TENM1: variants seen among roughly 807,000 people sequenced by gnomAD.
TENM1 encodes the protein teneurin transmembrane protein 1, also known as teneurin-1.
TENM1 carries 35 observed loss-of-function variants against 174.8 expected under a neutral mutation model. The ratio of observed to expected loss-of-function variants is 0.20; its 90% CI spans 0.15 to 0.27. The LOEUF is 0.27. TENM1 is among the 10% of genes least tolerant of loss of function. The probability of loss-of-function intolerance (pLI) is 1.00; values close to 1 mark genes in which losing one functional copy is unlikely to be tolerated. For synonymous variants in TENM1, 781 were observed against 798.7 expected, an observed-to-expected ratio of 0.98 and a Z score of 0.37; for missense variants, 1,633 against 2,130.1, an observed-to-expected ratio of 0.77 and a Z score of 4.59.
intron 6 of TENM1, 110 bp downstream of exon 9, chrX:124,671,570 ACTT>A (rs2051921866): frequency 3.9e-6 from 3 of 763,112 alleles, no homozygotes; most frequent in African/African-American, 4.3e-5. Context: ...CACGTAGAGG[ACTT>A]CTTTCAAGTG....
upstream of TENM1, among the ~76,000 whole-genome samples, chrX:124,966,641 G>A (rs1343579849): frequency 9.7e-6 from 1 of 103,350 alleles, no homozygotes; most frequent in Non-Finnish European, 2.0e-5. Context: ...CAGCCTGGGC[G>A]ACAGAGCGAG....
intron 19 of TENM1, among the ~76,000 whole-genome samples, chrX:124,498,921 T>G (rs1227142746): frequency 1.8e-5 from 2 of 111,268 alleles, no homozygotes; most frequent in Non-Finnish European, 3.8e-5. Context: ...GAAAATAGGC[T>G]TTGAGTTTCT....
the TENM1 span, among the ~76,000 whole-genome samples, chrX:125,178,585 C>A: frequency 9.0e-6 from 1 of 111,501 alleles, no homozygotes; most frequent in Admixed American, 9.6e-5. Flanking sequence ...CTGTATGGTA[C>A]TCTTCTATTT....
At chrX:124,715,539 CT>C (rs2148511478) in intron 4 of TENM1, among the ~76,000 whole-genome samples, 1 of 110,956 alleles carries the variant, frequency 9.0e-6, no homozygotes, top group Admixed American at 9.5e-5. Flanking sequence ...TTATTTTTTT[CT>C]TTATACAGGA....
chrX:124,581,527 C>A (rs2049310757), intron 11 of TENM1, among the ~76,000 whole-genome samples: 1 of 109,801 alleles, frequency 9.1e-6, no homozygotes. Context: ...TTTGGTAGAA[C>A]AATTTGTTTT....
intron 14 of TENM1, among the ~76,000 whole-genome samples, chrX:124,558,085 C>T (rs2048733746): frequency 8.9e-6 from 1 of 111,761 alleles, no homozygotes; most frequent in African/African-American, 3.2e-5. Flanking sequence ...GATAGCTTTC[C>T]TTTTTTGCAC....
intron 18 of TENM1, among the ~76,000 whole-genome samples, chrX:124,509,564 A>C (rs2047530796): frequency 9.0e-6 from 1 of 111,220 alleles, no homozygotes; most frequent in Admixed American, 9.6e-5. Context: ...AGGTGCTGTT[A>C]TTTAATGACA....
the TENM1 span, among the ~76,000 whole-genome samples, chrX:125,083,578 C>CA: frequency 1.8e-5 from 2 of 109,975 alleles, no homozygotes; most frequent in East Asian, 5.7e-4. Flanking sequence ...TTTTGAAAGT[C>CA]AAAAAAACCC....
intron 10 of TENM1, among the ~76,000 whole-genome samples, chrX:124,644,444 T>C (rs2051105695): frequency 9.1e-6 from 1 of 109,917 alleles, no homozygotes; most frequent in Non-Finnish European, 1.9e-5. Context: ...AATGGTTTAA[T>C]ATTATTTCTG....
intron 11 of TENM1, among the ~76,000 whole-genome samples, chrX:124,575,364 T>C (rs1476514732): frequency 1.8e-5 from 2 of 112,077 alleles, no homozygotes; most frequent in African/African-American, 3.2e-5. Flanking sequence ...GTTTTAATAC[T>C]ATCTTAAATC....
chrX:124,604,126 G>T (rs2050095504), intron 11 of TENM1, among the ~76,000 whole-genome samples: 1 of 110,693 alleles, frequency 9.0e-6, no homozygotes, highest in African/African-American at 3.3e-5. Flanking sequence ...CGGTATAATA[G>T]CAAAATGACA....
chrX:125,148,694 C>T, the TENM1 span, among the ~76,000 whole-genome samples: 2 of 111,714 alleles, frequency 1.8e-5, no homozygotes, highest in Non-Finnish European at 3.8e-5. Context: ...GCTGTTCCTC[C>T]TTCTCCTGTG....
intron 4 of TENM1, among the ~76,000 whole-genome samples, chrX:124,727,456 C>T (rs1032827590): frequency 1.8e-5 from 2 of 111,531 alleles, no homozygotes; most frequent in Admixed American, 9.6e-5. Context: ...TGGGGGACAG[C>T]AAAGAGAGTA....
At chrX:124,501,105 C>T (rs2047320429) in intron 19 of TENM1, among the ~76,000 whole-genome samples, 1 of 111,525 alleles carries the variant, frequency 9.0e-6, no homozygotes, top group Non-Finnish European at 1.9e-5. Flanking sequence ...TGCCAGGAAA[C>T]CCTAGGGGAT....
intron 21 of TENM1, 51 bp from the exon 25 acceptor site, chrX:124,482,015 C>T (rs762262008): frequency 6.0e-6 from 5 of 830,983 alleles, no homozygotes; most frequent in Non-Finnish European, 8.6e-6. Context: ...AACACGAACC[C>T]CCTGGGCTCA....
chrX:124,616,053 T>C (rs947391847), intron 11 of TENM1, among the ~76,000 whole-genome samples: 2 of 112,910 alleles, frequency 1.8e-5, no homozygotes, highest in African/African-American at 6.4e-5. Context: ...TAAACTGTCT[T>C]TGGTGTGACT....
At chrX:124,953,349 C>A (rs1427635461) in intron 1 of TENM1, among the ~76,000 whole-genome samples, 1 of 111,839 alleles carries the variant, frequency 8.9e-6, no homozygotes, top group Non-Finnish European at 1.9e-5. Context: ...TGAATCAAAT[C>A]CATGTCTTTT....
exon 5 of TENM1, chrX:124,705,236 T>G: frequency 8.4e-7 from 1 of 1,196,011 alleles, no homozygotes; most frequent in Non-Finnish European, 1.1e-6. Flanking sequence ...CAGATCCATG[T>G]TTGAACAGGA....
At chrX:124,776,412 T>A (rs2148630642) in intron 3 of TENM1, among the ~76,000 whole-genome samples, 1 of 112,222 alleles carries the variant, frequency 8.9e-6, no homozygotes, top group African/African-American at 3.2e-5. Flanking sequence ...GATAATTACA[T>A]GTAAATGAAG....
Sources: gnomAD v4.1 joint callset for allele counts (sites outside exome capture counted in the v4.1 genomes callset) on GRCh38, gnomAD v4.1.1 for gene constraint, MANE v1.5 for transcripts, NCBI Gene and HGNC (gene_info 2026-07-23, HGNC 2026-07-21) for gene names.